UIMC1: variants seen among roughly 807,000 people sequenced by gnomAD.
UIMC1 encodes the protein BRCA1-A complex subunit RAP80.
A neutral mutation model predicts 84.9 loss-of-function variants in UIMC1; 42 were observed. The observed-to-expected ratio is 0.49, with a 90% CI of 0.39 to 0.64. The LOEUF (loss-of-function observed/expected upper bound fraction) is 0.64, where lower values mean the gene tolerates loss of function less well. Ranked by LOEUF, UIMC1 falls within the 30% of genes least tolerant of loss-of-function variation. The pLI is 0.00. For missense variants in UIMC1, 825 were observed against 847.6 expected (o/e 0.97, Z 0.33); for synonymous variants, 281 against 293.0 (o/e 0.96, Z 0.42).
At chr5:176,953,952 T>G (rs550582263) in intron 8 of UIMC1, among the ~76,000 whole-genome samples, 5 of 152,302 alleles carry the variant, frequency 3.3e-5, no homozygotes, top group Non-Finnish European at 4.4e-5. Context: ...TTCTAAATTA[T>G]ATATTTAAAA....
At chr5:177,018,325 G>A (rs1441335108) in intron 1 of UIMC1, among the ~76,000 whole-genome samples, 1 of 148,984 alleles carries the variant, frequency 6.7e-6, no homozygotes, top group African/African-American at 2.6e-5. Context: ...ACTCCAGCCT[G>A]GGTGACAGAG....
intron 2 of UIMC1, among the ~76,000 whole-genome samples, chr5:176,977,175 A>G (rs1462304048): frequency 1.3e-5 from 2 of 150,442 alleles, no homozygotes; most frequent in African/African-American, 2.5e-5. Flanking sequence ...GTGAGCCAAG[A>G]TCGCGCCACT....
chr5:177,019,435 A>C (rs1213268057), intron 1 of UIMC1, among the ~76,000 whole-genome samples: 1 of 152,070 alleles, frequency 6.6e-6, no homozygotes, highest in Non-Finnish European at 1.5e-5. Context: ...CAGGAGTTTG[A>C]GACCAGCCTG....
At chr5:176,948,869 T>C (rs1159470712) in intron 9 of UIMC1, among the ~76,000 whole-genome samples, 1 of 152,174 alleles carries the variant, frequency 6.6e-6, no homozygotes, top group East Asian at 1.9e-4. Context: ...CAGATCCCAA[T>C]GGCAAGAGTC....
At chr5:177,013,488 A>G (rs1367065087) in intron 1 of UIMC1, among the ~76,000 whole-genome samples, 1 of 152,160 alleles carries the variant, frequency 6.6e-6, no homozygotes, top group African/African-American at 2.4e-5. Flanking sequence ...TGGTCAATTT[A>G]GCTTCACTTG....
chr5:176,917,494 C>T (rs924520180), intron 10 of UIMC1, among the ~76,000 whole-genome samples: 1 of 152,170 alleles, frequency 6.6e-6, no homozygotes, highest in Non-Finnish European at 1.5e-5. Context: ...ACTGCTTGAA[C>T]CCGGGAGACG....
chr5:177,012,330 A>G (rs1231260418), intron 1 of UIMC1, among the ~76,000 whole-genome samples: 1 of 152,058 alleles, frequency 6.6e-6, no homozygotes, highest in African/African-American at 2.4e-5. Flanking sequence ...CTCAAGCTAT[A>G]AGCCTCCTAG....
At chr5:176,990,534 T>A (rs886255175) in intron 1 of UIMC1, among the ~76,000 whole-genome samples, 17 of 152,166 alleles carry the variant, frequency 1.1e-4, no homozygotes, top group African/African-American at 3.9e-4. Context: ...ATGACATATT[T>A]GTACTTCCTA....
chr5:176,977,344 G>T (rs866934914), intron 2 of UIMC1, among the ~76,000 whole-genome samples: 13 of 151,420 alleles, frequency 8.6e-5, no homozygotes, highest in Middle Eastern at 3.4e-3. Context: ...ATATAAAGTA[G>T]ATTTGAACAA....
intron 10 of UIMC1, among the ~76,000 whole-genome samples, chr5:176,916,248 AG>A (rs137994154): frequency 0.011 from 1,749 of 152,368 alleles, 11 homozygotes; most frequent in South Asian, 0.025. Context: ...GATTTCAAAA[AG>A]GAACAATGGG....
At chr5:176,989,198 A>G (rs929571776) in intron 1 of UIMC1, among the ~76,000 whole-genome samples, 1 of 152,180 alleles carries the variant, frequency 6.6e-6, no homozygotes, top group Non-Finnish European at 1.5e-5. Context: ...TTTTTCTAAA[A>G]AAAACACTTA....
At chr5:177,014,806 A>G (rs1243691300) in intron 1 of UIMC1, among the ~76,000 whole-genome samples, 4 of 152,232 alleles carry the variant, frequency 2.6e-5, no homozygotes, top group Admixed American at 2.0e-4. Flanking sequence ...AAGTTCATCC[A>G]GCAGGGCTTG....
intron 10 of UIMC1, among the ~76,000 whole-genome samples, chr5:176,936,514 C>T (rs1763728797): frequency 6.6e-6 from 1 of 152,192 alleles, no homozygotes; most frequent in Non-Finnish European, 1.5e-5. Context: ...TTATTCTTTG[C>T]TCAAGTCCCT....
intron 10 of UIMC1, among the ~76,000 whole-genome samples, chr5:176,919,599 T>G (rs1761449994): frequency 6.6e-6 from 1 of 152,104 alleles, no homozygotes; most frequent in African/African-American, 2.4e-5. Context: ...GACTTACCAG[T>G]GTGTACCACT....
chr5:176,925,536 A>T (rs569558167), intron 10 of UIMC1, among the ~76,000 whole-genome samples: 247 of 152,300 alleles, frequency 1.6e-3, no homozygotes, highest in African/African-American at 5.7e-3. Context: ...TCACAGCAGC[A>T]TTCTTAGTGA....
intron 10 of UIMC1, among the ~76,000 whole-genome samples, chr5:176,933,263 T>G (rs1302568546): frequency 1.3e-5 from 2 of 152,324 alleles, no homozygotes; most frequent in South Asian, 2.1e-4. Flanking sequence ...AGAATTCTTC[T>G]TCGAAGAAGA....
chr5:176,964,520 G>A (rs1375073440), intron 6 of UIMC1, among the ~76,000 whole-genome samples: 1 of 151,988 alleles, frequency 6.6e-6, no homozygotes, highest in Non-Finnish European at 1.5e-5. Context: ...TATCACAACT[G>A]AAATATCCAG....
chr5:176,933,724 T>G (rs944916937), intron 10 of UIMC1, among the ~76,000 whole-genome samples: 7 of 151,918 alleles, frequency 4.6e-5, no homozygotes, highest in Admixed American at 4.6e-4. Context: ...TTTGCAGAGA[T>G]AGTGTCTTCC....
intron 12 of UIMC1, 148 bp from the exon 13 acceptor site, chr5:176,907,325 G>C (rs543784783): frequency 2.9e-6 from 2 of 696,064 alleles, no homozygotes; most frequent in Non-Finnish European, 4.8e-6. Context: ...ATAAACGAGG[G>C]TTTCACAAGT....
Sources: allele counts gnomAD v4.1 joint callset (sites outside exome capture counted in the v4.1 genomes callset), GRCh38; gene constraint gnomAD v4.1.1; transcripts MANE v1.5; gene names NCBI Gene and HGNC (gene_info 2026-07-23, HGNC 2026-07-21).